Variants in SHB observed in about 807,000 individuals in gnomAD.
SHB encodes the protein SH2 domain-containing adapter protein B.
Under a neutral mutation model 52.3 loss-of-function variants are expected in SHB, and 20 were observed. That is an observed-to-expected ratio of 0.38 (90% CI 0.27 to 0.56). SHB has a LOEUF of 0.56. Ranked by LOEUF, SHB falls within the 20% of genes least tolerant of loss-of-function variation. The pLI is 0.71. For synonymous variants in SHB, 397 were observed against 316.5 expected (o/e 1.25, Z -2.70); for missense variants, 825 against 723.3 (o/e 1.14, Z -1.61).
chr9:37,982,437 G>A (rs1284264972), intron 2 of SHB, among the ~76,000 whole-genome samples: 1 of 152,054 alleles, frequency 6.6e-6, no homozygotes, highest in Non-Finnish European at 1.5e-5. Flanking sequence ...AGGTTGCAGT[G>A]AGCTGAGATT....
At chr9:37,981,855 C>A (rs1203906355) in intron 2 of SHB, among the ~76,000 whole-genome samples, 4 of 152,156 alleles carry the variant, frequency 2.6e-5, no homozygotes, top group Admixed American at 6.5e-5. Flanking sequence ...TCAGAACACA[C>A]ATAACATTTA....
At chr9:38,048,567 G>A (rs964237894) in intron 1 of SHB, among the ~76,000 whole-genome samples, 10 of 152,174 alleles carry the variant, frequency 6.6e-5, no homozygotes, top group Non-Finnish European at 1.5e-4. Context: ...CCTTGAGGTG[G>A]AGGTTGCTGT....
At chr9:37,938,822 G>A (rs548793276) in intron 5 of SHB, among the ~76,000 whole-genome samples, 5 of 152,352 alleles carry the variant, frequency 3.3e-5, no homozygotes, top group Non-Finnish European at 7.3e-5. Flanking sequence ...GGGGGGTGGT[G>A]CACTGGGCCG....
intron 3 of SHB, among the ~76,000 whole-genome samples, chr9:37,962,959 A>G (rs548616219): frequency 3.3e-5 from 5 of 152,304 alleles, no homozygotes; most frequent in African/African-American, 1.2e-4. Context: ...CGGTATGGTT[A>G]GGTAAGTTGC....
chr9:38,013,663 G>A (rs1166841349), intron 2 of SHB, among the ~76,000 whole-genome samples: 3 of 152,220 alleles, frequency 2.0e-5, no homozygotes, highest in Non-Finnish European at 2.9e-5. Flanking sequence ...TCACCTTTGA[G>A]GTCTTCAGCA....
chr9:37,981,685 T>G lies in SHB; in HGVS notation c.839-6848A>C, dbSNP rs2094571445. ...TGCACTAGGCTTATTTCCAAGATTT[T>G]GGTTTAAAGTGAGAGATGTGTGACT... On this transcript the variant is annotated intron_variant, in intron 2 of 5. Coordinates refer to ENST00000377707, the MANE Select transcript of SHB (RefSeq NM_003028.3). Among the ~76,000 whole-genome samples, 6 of 152,362 alleles carry G rather than the reference T, an allele frequency of 3.9e-5. No individual in the cohort carries two copies. In the South Asian group the frequency reaches 1.2e-3, roughly 32 times the overall value.
At chr9:37,961,675 C>T (rs1232588589) in intron 3 of SHB, among the ~76,000 whole-genome samples, 1 of 152,216 alleles carries the variant, frequency 6.6e-6, no homozygotes, top group Non-Finnish European at 1.5e-5. Context: ...TCTAGAATCC[C>T]TTTACTTCAC....
chr9:37,953,501 A>T (rs1212848384), intron 4 of SHB, among the ~76,000 whole-genome samples: 2 of 151,786 alleles, frequency 1.3e-5, no homozygotes, highest in Admixed American at 1.3e-4. Flanking sequence ...AGGAAGGAAG[A>T]GGGGTGCAGG....
intron 1 of SHB, among the ~76,000 whole-genome samples, chr9:38,027,711 A>T (rs989819586): frequency 2.0e-5 from 3 of 151,372 alleles, no homozygotes; most frequent in Non-Finnish European, 4.4e-5. Context: ...AGAGTGAGGG[A>T]GCTGGGGGTC....
intron 2 of SHB, chr9:38,015,538 G>C (rs1171907496): frequency 4.3e-6 from 3 of 695,192 alleles, no homozygotes; most frequent in Non-Finnish European, 5.3e-6. Flanking sequence ...AAGATTTCTC[G>C]GGATGCGGCC....
At chr9:37,949,041 A>T (rs552208634) in intron 4 of SHB, among the ~76,000 whole-genome samples, 2 of 152,180 alleles carry the variant, frequency 1.3e-5, no homozygotes, top group Non-Finnish European at 2.9e-5. Context: ...CATCATGGAG[A>T]TGAAGTGGCA....
chr9:38,027,039 C>A (rs1736394321), intron 1 of SHB, among the ~76,000 whole-genome samples: 1 of 152,204 alleles, frequency 6.6e-6, no homozygotes, highest in South Asian at 2.1e-4. Context: ...GGGTGAAGGG[C>A]CCTTCCCACC....
intron 3 of SHB, among the ~76,000 whole-genome samples, chr9:37,963,994 G>A (rs2117938288): frequency 6.6e-6 from 1 of 152,330 alleles, no homozygotes; most frequent in South Asian, 2.1e-4. Flanking sequence ...CCAGAGAGGT[G>A]AGGCCCCTTC....
intron 5 of SHB, among the ~76,000 whole-genome samples, chr9:37,943,516 G>A (rs1196220382): frequency 6.6e-6 from 1 of 152,206 alleles, no homozygotes. Flanking sequence ...ACGTTTGCAA[G>A]ATGCCAGGCA....
At chr9:38,053,345 C>G (rs150383185) in intron 1 of SHB, among the ~76,000 whole-genome samples, 2 of 152,184 alleles carry the variant, frequency 1.3e-5, no homozygotes, top group African/African-American at 4.8e-5. Flanking sequence ...TCAAGCAATT[C>G]TCCTGCCTCA....
chr9:37,944,243 T>TG (rs1832467235), intron 5 of SHB, among the ~76,000 whole-genome samples: 3 of 152,048 alleles, frequency 2.0e-5, no homozygotes, highest in African/African-American at 7.2e-5. Flanking sequence ...CCACTGTGGG[T>TG]CACTGCAAGT....
chr9:37,921,325 C>G (rs966855134), intron 5 of SHB, among the ~76,000 whole-genome samples: 10 of 152,148 alleles, frequency 6.6e-5, no homozygotes, highest in Non-Finnish European at 5.9e-5. Context: ...TAGCCGCTGT[C>G]GCTCCCACAG....
chr9:37,956,674 G>A (rs1370911741), intron 3 of SHB, among the ~76,000 whole-genome samples: 9 of 152,148 alleles, frequency 5.9e-5, no homozygotes, highest in Non-Finnish European at 5.9e-5. Flanking sequence ...TGGGAGCATC[G>A]TTCACCCCCA....
chr9:38,042,254 C>A (rs559692928), intron 1 of SHB, among the ~76,000 whole-genome samples: 1 of 152,208 alleles, frequency 6.6e-6, no homozygotes, highest in Non-Finnish European at 1.5e-5. Context: ...TAGCATGGTG[C>A]CCGGGACACA....
Sources: allele counts gnomAD v4.1 joint callset (sites outside exome capture counted in the v4.1 genomes callset), GRCh38; gene constraint gnomAD v4.1.1; transcripts MANE v1.5; gene names NCBI Gene and HGNC (gene_info 2026-07-23, HGNC 2026-07-21).